Variants in TRDN observed in about 807,000 individuals in gnomAD.
TRDN encodes triadin in skeletal muscle.
TRDN carries 161 observed loss-of-function variants against 149.7 expected under a neutral mutation model. That is an observed-to-expected ratio of 1.08 (90% CI 0.95 to 1.23). TRDN has a LOEUF of 1.23. Ranked by LOEUF, TRDN falls within the 50% of genes most tolerant of loss-of-function variation. The pLI is 0.00. For synonymous variants in TRDN, 294 were observed against 250.5 expected, an observed-to-expected ratio of 1.17 and a Z score of -1.64; for missense variants, 896 against 823.5, an observed-to-expected ratio of 1.09 and a Z score of -1.08.
rs561789786 is a variant in TRDN at position 123,389,500 on chromosome 6, T to A, written c.1106-949A>T. On this transcript the variant is annotated intron_variant, in intron 13 of 40. Coordinates refer to ENST00000334268, the MANE Select transcript of TRDN (RefSeq NM_006073.4). ...GGTACATCCTCTTATTGGGTCTTCA[T>A]CCTGACCTTGTTATAAAAGGCAGCC... 4.6e-5 allele frequency: 7 copies of A among 152,262 alleles called. No individual in the cohort carries two copies. The East Asian group carries it at 1.3e-3, about 29-fold the overall frequency. 9.4% of individuals were successfully genotyped at this position (152,262 alleles called of 1,614,324 possible). A position where few individuals can be genotyped will look rare whatever the true frequency, so the allele number is the denominator to read the frequency against.
At chr6:123,430,903 T>C (rs528477077) in intron 12 of TRDN, among the ~76,000 whole-genome samples, 3 of 152,304 alleles carry the variant, frequency 2.0e-5, no homozygotes, top group African/African-American at 7.2e-5. Flanking sequence ...CAATAAGTTA[T>C]AGTGGTAACT....
rs1777014544 is a variant in TRDN at position 123,266,722 on chromosome 6, G to GT, written c.1783+984_1783+985insA. Among the ~76,000 whole-genome samples the GT allele has an allele frequency of 8.3e-5, 6 of 72,666 alleles. 1 individual carries two copies. Among genetic ancestry groups the GT allele is most frequent in the Admixed American group, 4.9e-4 (2 of 4,074 alleles). The allele number at this position is 72,666 out of a possible 152,430, so 47.7% of individuals were successfully genotyped here. ...AATATGTATTATATATAATATATAT[G>GT]ATATATTATATATGTAATATATTAT... On this transcript the variant is annotated intron_variant, in intron 32 of 40. Coordinates refer to ENST00000334268, the MANE Select transcript of TRDN (RefSeq NM_006073.4).
At chr6:123,630,529 A>G (rs1407224) in intron 1 of TRDN, among the ~76,000 whole-genome samples, 5,921 of 152,104 alleles carry the variant, frequency 0.039, 171 homozygotes, top group Non-Finnish European at 0.063. Flanking sequence ...AATAGCCTCA[A>G]TTCATTTTTG....
chr6:123,434,880 C>T (rs1375623638), intron 12 of TRDN, among the ~76,000 whole-genome samples: 1 of 151,668 alleles, frequency 6.6e-6, no homozygotes, highest in Non-Finnish European at 1.5e-5. Flanking sequence ...CCCCAATATA[C>T]CAATTGCTCA....
At chr6:123,376,641 G>C (rs1017116768) in intron 18 of TRDN, among the ~76,000 whole-genome samples, 3 of 151,998 alleles carry the variant, frequency 2.0e-5, no homozygotes, top group Non-Finnish European at 4.4e-5. Flanking sequence ...TGATACTATG[G>C]GAAGTAATTG....
At chr6:123,293,693 C>T (rs1039162720) in intron 24 of TRDN, among the ~76,000 whole-genome samples, 3 of 152,096 alleles carry the variant, frequency 2.0e-5, no homozygotes, top group African/African-American at 7.2e-5. Flanking sequence ...TGTTTGTGCC[C>T]CCTCTGGGCT....
At chr6:123,396,035 A>G (rs958770523) in intron 12 of TRDN, among the ~76,000 whole-genome samples, 4 of 152,200 alleles carry the variant, frequency 2.6e-5, no homozygotes, top group African/African-American at 9.7e-5. Context: ...ACATGCAAAG[A>G]AGATCAGATT....
intron 37 of TRDN, 155 bp downstream of exon 37, chr6:123,254,926 C>T: frequency 1.7e-6 from 1 of 584,250 alleles, no homozygotes. Context: ...TATAAGCTTT[C>T]TGCTAGATTT....
chr6:123,343,631 C>T (rs1175136363), intron 21 of TRDN, among the ~76,000 whole-genome samples: 4 of 151,864 alleles, frequency 2.6e-5, no homozygotes, highest in Admixed American at 1.3e-4. Flanking sequence ...ACTAATTCTT[C>T]GAGATTTCCG....
At chr6:123,371,139 A>T (rs979462177) in intron 19 of TRDN, among the ~76,000 whole-genome samples, 5 of 152,072 alleles carry the variant, frequency 3.3e-5, no homozygotes, top group African/African-American at 9.7e-5. Flanking sequence ...CCCATATTTC[A>T]AGAAACTGTA....
rs1779476954 is a variant in TRDN, at chr6:123,326,877, T to A, written c.1471+5002A>T. Reference sequence around the variant, plus strand: ...ATAAAATCTGCAGATTTTTAAAATATCAGTTATTTTTCTTTGTTCATTATA... The same window carrying A: ...ATAAAATCTGCAGATTTTTAAAATAACAGTTATTTTTCTTTGTTCATTATA... On this transcript the variant is annotated intron_variant, in intron 23 of 40. Coordinates refer to ENST00000334268, the MANE Select transcript of TRDN (RefSeq NM_006073.4). 3.9e-5 allele frequency among the ~76,000 whole-genome samples: 6 copies of A among 152,088 alleles called. No homozygotes were observed. The South Asian group carries it at 1.2e-3, about 31-fold the overall frequency.
At chr6:123,343,462 T>C (rs1780137384) in intron 21 of TRDN, among the ~76,000 whole-genome samples, 1 of 151,946 alleles carries the variant, frequency 6.6e-6, no homozygotes, top group Admixed American at 6.6e-5. Flanking sequence ...TATAAGATGA[T>C]ATATATTGAA....
chr6:123,579,256 A>G (rs1212462496), intron 1 of TRDN, among the ~76,000 whole-genome samples: 1 of 152,144 alleles, frequency 6.6e-6, no homozygotes, highest in Non-Finnish European at 1.5e-5. Flanking sequence ...TTGCCCCATC[A>G]GTATGACGTT....
chr6:123,398,104 A>G (rs1772808399), intron 12 of TRDN, among the ~76,000 whole-genome samples: 1 of 152,234 alleles, frequency 6.6e-6, no homozygotes, highest in African/African-American at 2.4e-5. Context: ...TCCGGAGTTC[A>G]GGCAATTCTC....
intron 32 of TRDN, among the ~76,000 whole-genome samples, chr6:123,266,930 A>G (rs553062579): frequency 6.8e-6 from 1 of 147,126 alleles, no homozygotes; most frequent in Admixed American, 7.0e-5. Context: ...AACACAGTGA[A>G]TCCCTTCTCT....
At chr6:123,440,267 G>A (rs1225064126) in intron 10 of TRDN, among the ~76,000 whole-genome samples, 1 of 152,120 alleles carries the variant, frequency 6.6e-6, no homozygotes, top group Admixed American at 6.6e-5. Flanking sequence ...TTGTCTAAAA[G>A]TGTCTACAGC....
intron 1 of TRDN, among the ~76,000 whole-genome samples, chr6:123,598,413 CAT>C (rs1784134638): frequency 6.6e-6 from 1 of 151,970 alleles, no homozygotes; most frequent in Admixed American, 6.6e-5. Flanking sequence ...ACAAAAAAAA[CAT>C]GAAGTATCAA....
chr6:123,565,601 A>G (rs924267890), intron 2 of TRDN, among the ~76,000 whole-genome samples: 3 of 152,120 alleles, frequency 2.0e-5, no homozygotes, highest in Non-Finnish European at 2.9e-5. Context: ...CATTTTTGCA[A>G]GTTTTGGAAG....
At chr6:123,258,234 C>T (rs948307468) in intron 35 of TRDN, among the ~76,000 whole-genome samples, 1 of 152,256 alleles carries the variant, frequency 6.6e-6, no homozygotes, top group Admixed American at 6.5e-5. Flanking sequence ...GGAATGCTTC[C>T]AGCTTTTGCA....
Sources: gnomAD v4.1 joint callset for allele counts (sites outside exome capture counted in the v4.1 genomes callset) on GRCh38, gnomAD v4.1.1 for gene constraint, MANE v1.5 for transcripts, NCBI Gene and HGNC (gene_info 2026-07-23, HGNC 2026-07-21) for gene names.